TCF7: variants seen among roughly 807,000 people sequenced by gnomAD.
TCF7 encodes the protein T-cell-factor-7.
Under a neutral mutation model 46.8 loss-of-function variants are expected in TCF7, and 19 were observed. The observed-to-expected ratio is 0.41, with a 90% CI of 0.28 to 0.60. The LOEUF (loss-of-function observed/expected upper bound fraction) is 0.60. Ranked by LOEUF, TCF7 falls within the 20% of genes least tolerant of loss-of-function variation. The pLI is 0.35. For synonymous variants in TCF7, 245 were observed against 213.4 expected, an observed-to-expected ratio of 1.15 and a Z score of -1.29; for missense variants, 547 against 504.6, an observed-to-expected ratio of 1.08 and a Z score of -0.81.
intron 3 of TCF7, among the ~76,000 whole-genome samples, chr5:134,132,379 C>A (rs1758245837): frequency 6.6e-6 from 1 of 152,196 alleles, no homozygotes; most frequent in African/African-American, 2.4e-5. Context: ...CATAAATACA[C>A]CCTGACCAAA....
At chr5:134,115,497 A>T in intron 2 of TCF7, 110 bp downstream of exon 2, 6 of 1,486,698 alleles carry the variant, frequency 4.0e-6, no homozygotes, top group Admixed American at 2.2e-5. Context: ...ACCGCAGCTC[A>T]GGAGGCGGCA....
At chr5:134,130,056 G>A (rs1321326033) in intron 3 of TCF7, among the ~76,000 whole-genome samples, 5 of 152,232 alleles carry the variant, frequency 3.3e-5, no homozygotes, top group East Asian at 1.9e-4. Flanking sequence ...GGGAGCTTGC[G>A]GGCCGTCCTT....
intron 3 of TCF7, among the ~76,000 whole-genome samples, chr5:134,121,428 A>G (rs764372080): frequency 4.6e-4 from 70 of 152,148 alleles, no homozygotes; most frequent in Non-Finnish European, 6.0e-4. Context: ...TACTAAAAAT[A>G]CAAAAATTAG....
intron 9 of TCF7, chr5:134,144,818 G>A (rs748466764): frequency 6.2e-7 from 1 of 1,614,180 alleles, no homozygotes; most frequent in Non-Finnish European, 8.5e-7. Flanking sequence ...CCTAAGAAAT[G>A]CCGTGCTCGC....
chr5:134,146,510 C>T lies in TCF7; in HGVS notation c.*207C>T, dbSNP rs1381665614. 1 of 736,280 alleles carries T rather than the reference C, an allele frequency of 1.4e-6. No homozygotes were observed. The highest frequency in any genetic ancestry group is 1.7e-5 in the African/African-American group (1 of 57,652). The allele number at this position is 736,280 out of a possible 1,614,324, so 45.6% of individuals were successfully genotyped here. The stretch of plus-strand genomic sequence containing the variant: ...GGTACAGCAACAGGAATCTCAGAGA[C>T]AGGTGGCCTAGCAGGCACAGGACAC... On this transcript the variant is annotated 3_prime_UTR_variant, in exon 10 of 10. Coordinates refer to ENST00000342854, the MANE Select transcript of TCF7 (RefSeq NM_003202.5).
At chr5:134,126,591 T>C (rs1214738419) in intron 3 of TCF7, among the ~76,000 whole-genome samples, 1 of 152,208 alleles carries the variant, frequency 6.6e-6, no homozygotes, top group African/African-American at 2.4e-5. Flanking sequence ...CCAGGGGCTT[T>C]TACTCATATC....
rs534228864 is a variant in TCF7, at chr5:134,143,776, C to G, written c.1075+136C>G. ...GGCCTGGGGCCTATGAAAACAAGGC[C>G]TGCATCTCACAAGTCAAATTCCCAT... On this transcript the variant is annotated intron_variant, in intron 9 of 9. Transcript: ENST00000342854. 3 of 909,924 alleles carry G rather than the reference C, an allele frequency of 3.3e-6. No homozygotes were observed. The African/African-American group carries it at 5.0e-5, about 15-fold the overall frequency. The allele number at this position is 909,924 out of a possible 1,614,324, so 56.4% of individuals were successfully genotyped here.
At chr5:134,145,701 C>T (rs371464563) in intron 9 of TCF7, 1 of 1,609,898 alleles carries the variant, frequency 6.2e-7, no homozygotes, top group Non-Finnish European at 8.5e-7. Context: ...GGGAAACAAC[C>T]CTGTCTTCAG....
chr5:134,114,923 C>A lies in TCF7; in HGVS notation c.17C>A (p.Ser6Tyr). Reference protein sequence around the residue: MPQLDSGGGGAGGGDD... With the variant: MPQLDYGGGGAGGGDD... ...GAGCGCACCATGCCGCAGCTGGACTCCGGCGGGGGCGGCGCGGGCGGCGGC... is the reference window on the plus strand; with the variant it reads ...GAGCGCACCATGCCGCAGCTGGACTACGGCGGGGGCGGCGCGGGCGGCGGC... Residue 6 changes from serine (S) to tyrosine (Y), a missense_variant, in exon 1 of 10, where the codon TCC becomes TAC. Physicochemically the swap from Ser to Tyr is moderately radical, Grantham distance 144. Transcript: ENST00000342854. The A allele has an allele frequency of 9.4e-7, 1 of 1,059,242 alleles. No individual in the cohort carries two copies. Among genetic ancestry groups the A allele is most frequent in the South Asian group, 3.0e-5 (1 of 33,744 alleles). 65.6% of individuals were successfully genotyped at this position (1,059,242 alleles called of 1,614,324 possible).
In TCF7 at chr5:134,114,957, C is replaced by G; in HGVS notation, c.51C>G (p.Leu17=). The change falls in exon 1 of 10, where the codon CTC becomes CTG. Residue 17 remains leucine, a synonymous_variant. Transcript: ENST00000342854. ...GGGGAGGGDD[L]GAPDELLAFQ... ...GCGGCGCGGGCGGCGGCGACGACCTCGGCGCGCCGGACGAGCTGCTGGCCT... is the reference window on the plus strand; with the variant it reads ...GCGGCGCGGGCGGCGGCGACGACCTGGGCGCGCCGGACGAGCTGCTGGCCT... 1 of 1,157,108 alleles carries G rather than the reference C, an allele frequency of 8.6e-7. No individual in the cohort carries two copies. The highest frequency in any genetic ancestry group is 1.1e-6 in the Non-Finnish European group (1 of 920,056). The allele number at this position is 1,157,108 out of a possible 1,614,324, so 71.7% of individuals were successfully genotyped here. A position where few individuals can be genotyped will look rare whatever the true frequency, so the allele number is the denominator to read the frequency against.
intron 8 of TCF7, 110 bp from the exon 9 acceptor site, chr5:134,143,479 TAGG>T (rs759411884): frequency 7.9e-7 from 1 of 1,271,112 alleles, no homozygotes; most frequent in East Asian, 2.3e-5. Context: ...CACCCCAAGG[TAGG>T]AGGGGCCTGT....
intron 2 of TCF7, 176 bp downstream of exon 2, chr5:134,115,563 A>G: frequency 2.1e-6 from 3 of 1,440,756 alleles, no homozygotes; most frequent in South Asian, 1.5e-5. Flanking sequence ...GGGTCGAGTC[A>G]CTTCCGGTGC....
chr5:134,119,532 G>A (rs1320697363), intron 3 of TCF7, among the ~76,000 whole-genome samples: 2 of 152,242 alleles, frequency 1.3e-5, no homozygotes, highest in Non-Finnish European at 2.9e-5. Flanking sequence ...GAGGCCTTTG[G>A]CTGTTGCAGA....
chr5:134,141,196 C>T (rs183339488), intron 5 of TCF7: 309 of 162,054 alleles, frequency 1.9e-3, no homozygotes, highest in Non-Finnish European at 2.6e-3. Flanking sequence ...CTTAGAAGGA[C>T]TCTCCTGGGC....
intron 9 of TCF7, chr5:134,144,788 T>C (rs1554107084): frequency 6.8e-6 from 11 of 1,613,660 alleles, no homozygotes; most frequent in Non-Finnish European, 1.7e-6. Context: ...CTGGCATGGC[T>C]GTGAGCAGAC....
intron 2 of TCF7, 188 bp from the exon 3 acceptor site, chr5:134,115,721 C>T: frequency 6.3e-6 from 9 of 1,435,112 alleles, no homozygotes; most frequent in Admixed American, 2.9e-5. Flanking sequence ...TAGGGGCCAC[C>T]TCGGGGAGGC....
At chr5:134,144,804 C>G (rs569241055) in intron 9 of TCF7, 12 of 1,614,074 alleles carry the variant, frequency 7.4e-6, no homozygotes, top group Non-Finnish European at 1.0e-5. Flanking sequence ...CAGACCCTGG[C>G]TCGCCTAAGA....
chr5:134,116,603 G>C (rs914218215), intron 3 of TCF7, among the ~76,000 whole-genome samples: 1 of 152,236 alleles, frequency 6.6e-6, no homozygotes, highest in African/African-American at 2.4e-5. Context: ...AACTGGCTTG[G>C]TCTCAGACAT....
chr5:134,114,913 C>G lies in TCF7; in HGVS notation c.7C>G (p.Gln3Glu). The change falls in exon 1 of 10, where the codon CAG (glutamine) becomes GAG (glutamate). Residue 3 changes from glutamine to glutamate, a missense_variant. This residue lies in a region of TCF7 where 425 missense variants were observed against 349.9 expected (regional missense o/e 1.21). Transcript: ENST00000342854. MP[Q>E]LDSGGGGAGG... Reference sequence around the variant, plus strand: ...CCGGCGGGCGGAGCGCACCATGCCGCAGCTGGACTCCGGCGGGGGCGGCGC... The same window carrying G: ...CCGGCGGGCGGAGCGCACCATGCCGGAGCTGGACTCCGGCGGGGGCGGCGC... The G allele has an allele frequency of 9.6e-7, 1 of 1,037,100 alleles. No individual in the cohort carries two copies. The highest frequency in any genetic ancestry group is 1.2e-6 in the Non-Finnish European group (1 of 860,122). The allele number at this position is 1,037,100 out of a possible 1,614,324, so 64.2% of individuals were successfully genotyped here.
Sources: allele counts gnomAD v4.1 joint callset (sites outside exome capture counted in the v4.1 genomes callset), GRCh38; gene constraint gnomAD v4.1.1; regional missense constraint gnomAD v4.1.1; transcripts MANE v1.5; gene names NCBI Gene and HGNC (gene_info 2026-07-23, HGNC 2026-07-21).